The following CCDC197 variants were observed in gnomAD, a reference collection of about 807,000 sequenced individuals.
The protein encoded by CCDC197 is coiled-coil domain containing 197.
A neutral mutation model predicts 13.4 loss-of-function variants in CCDC197; 24 were observed. The ratio of observed to expected loss-of-function variants is 1.80; its 90% CI spans 1.30 to 2.53. The LOEUF is 2.53. Ranked by LOEUF, CCDC197 falls within the 30% of genes most tolerant of loss-of-function variation. CCDC197 has a pLI of 0.00. For synonymous variants in CCDC197, 99 were observed against 55.5 expected (o/e 1.78, Z -3.48); for missense variants, 255 against 148.8 (o/e 1.71, Z -3.71).
chr14:94,002,173 A>C (rs2141369967), intron 4 of CCDC197, among the ~76,000 whole-genome samples: 1 of 152,202 alleles, frequency 6.6e-6, no homozygotes, highest in African/African-American at 2.4e-5. Context: ...CGAGGGGAGG[A>C]AAGTAAGCCT....
In CCDC197 at chr14:93,999,382, G is replaced by C. The variant is rs1890419609; in HGVS notation, c.105-201G>C. 7 of 549,898 alleles carry C rather than the reference G, an allele frequency of 1.3e-5. No individual in the cohort carries two copies. In the Admixed American group the frequency reaches 2.0e-4, roughly 16 times the overall value. 34.1% of individuals were successfully genotyped at this position (549,898 alleles called of 1,614,324 possible). The stretch of plus-strand genomic sequence containing the variant: ...GAGATGCTGCTATGGGCGTTTATTT[G>C]ATCTGCTTGTGGCTCAGTTTGCTCA... On this transcript the variant is annotated intron_variant, in intron 2 of 6. Transcript: ENST00000636493.
chr14:93,997,795 G>A (rs559259101), intron 1 of CCDC197, among the ~76,000 whole-genome samples: 1 of 152,322 alleles, frequency 6.6e-6, no homozygotes, highest in African/African-American at 2.4e-5. Flanking sequence ...GAAGACTTGG[G>A]GGTGATGGGG....
downstream of CCDC197, among the ~76,000 whole-genome samples, chr14:94,011,134 C>T (rs536618401): frequency 1.2e-4 from 18 of 152,326 alleles, 1 homozygote; most frequent in South Asian, 3.7e-3. Flanking sequence ...GGAATTCCCT[C>T]TGCACGATGG....
chr14:93,994,211 C>G (rs192913994), upstream of CCDC197, among the ~76,000 whole-genome samples: 40 of 152,330 alleles, frequency 2.6e-4, 1 homozygote, highest in East Asian at 6.9e-3. Flanking sequence ...CAAGAGTCCA[C>G]ATTTGGCTTT....
intron 6 of CCDC197, chr14:94,007,686 T>C (rs1297277740): frequency 7.2e-5 from 11 of 152,226 alleles, no homozygotes; most frequent in Non-Finnish European, 1.5e-4. Context: ...AGAGGCATCA[T>C]CAAAGACCCA....
At position 94,003,441 on chromosome 14, in the gene CCDC197, A is replaced by G. The variant is rs902674846; in HGVS notation, c.498+87A>G. On this transcript the variant is annotated intron_variant, in intron 5 of 6. Transcript: ENST00000636493. This position sits in a 1 kb window ranked among gnomAD's most constrained non-coding sequence, Gnocchi z 5.0. ...CCATCATCAATCCCAAAACACACAG[A>G]CACATACGCACGCAGACACACACAC... 1.4e-5 allele frequency: 9 copies of G among 652,240 alleles called. No individual in the cohort carries two copies. In the East Asian group the frequency reaches 2.2e-4, roughly 16 times the overall value. 40.4% of individuals were successfully genotyped at this position (652,240 alleles called of 1,614,324 possible).
At chr14:94,008,961 G>C (rs1271631401), downstream of CCDC197, 5 of 572,068 alleles carry the variant, frequency 8.7e-6, no homozygotes, top group Non-Finnish European at 1.6e-5. Flanking sequence ...TAGGGTTGGG[G>C]GTGCTGCTCC....
In CCDC197 at chr14:93,997,383, C is replaced by T. The variant is rs964907701; in HGVS notation, c.-322C>T. On this transcript the variant is annotated 5_prime_UTR_variant, in exon 1 of 7. Transcript: ENST00000636493. Reference sequence around the variant, plus strand: ...AAAGACTGACCTTGTAGCCCCTCACCTTCTCTCCCCAATGCACTGGGCTGG... The same window carrying T: ...AAAGACTGACCTTGTAGCCCCTCACTTTCTCTCCCCAATGCACTGGGCTGG... 1 of 152,254 alleles carries T rather than the reference C, an allele frequency of 6.6e-6. No individual in the cohort carries two copies. Among genetic ancestry groups the T allele is most frequent in the African/African-American group, 2.4e-5 (1 of 41,446 alleles). The allele number at this position is 152,254 out of a possible 1,614,324, so 9.4% of individuals were successfully genotyped here.
chr14:93,996,670 C>A (rs1196230108), upstream of CCDC197, among the ~76,000 whole-genome samples: 1 of 152,152 alleles, frequency 6.6e-6, no homozygotes, highest in Non-Finnish European at 1.5e-5. Flanking sequence ...TCCCAGGAGC[C>A]ATCTGAGGTT....
downstream of CCDC197, among the ~76,000 whole-genome samples, chr14:94,011,495 G>A (rs1595359850): frequency 6.6e-6 from 1 of 152,198 alleles, no homozygotes; most frequent in Non-Finnish European, 1.5e-5. Context: ...ACGGCATTGC[G>A]CTTAACAGCG....
upstream of CCDC197, among the ~76,000 whole-genome samples, chr14:93,993,744 C>T (rs1327951226): frequency 6.6e-6 from 1 of 152,184 alleles, no homozygotes; most frequent in African/African-American, 2.4e-5. Flanking sequence ...GAAAAGGGGT[C>T]CTATTGCCAT....
chr14:93,999,768 T>A (rs1890436610), intron 3 of CCDC197, 103 bp downstream of exon 3: 2 of 716,176 alleles, frequency 2.8e-6, no homozygotes, highest in Non-Finnish European at 5.1e-6. Flanking sequence ...GAGCTGCTCA[T>A]CTACAGAATG....
intron 3 of CCDC197, 193 bp from the exon 4 acceptor site, chr14:94,000,952 G>C (rs1263686228): frequency 4.8e-6 from 2 of 418,408 alleles, no homozygotes; most frequent in Non-Finnish European, 8.1e-6. Context: ...CCTTGAAGTG[G>C]AGGGGGCGGG....
downstream of CCDC197, among the ~76,000 whole-genome samples, chr14:94,010,405 T>C (rs1215273065): frequency 1.3e-5 from 2 of 152,218 alleles, no homozygotes; most frequent in Non-Finnish European, 2.9e-5. Context: ...GGTTTCACCA[T>C]GTTGGCCAGG....
intron 3 of CCDC197, among the ~76,000 whole-genome samples, chr14:94,000,611 G>T (rs1327782928): frequency 3.3e-5 from 5 of 152,114 alleles, no homozygotes; most frequent in Non-Finnish European, 1.5e-5. Context: ...GGGCGATGTG[G>T]CTGGGAGGCT....
intron 1 of CCDC197, among the ~76,000 whole-genome samples, chr14:93,988,902 G>A (rs560530798): frequency 6.7e-6 from 1 of 148,986 alleles, no homozygotes; most frequent in East Asian, 2.0e-4. Context: ...GAGACGGGAT[G>A]GGAGCAGGGA....
chr14:93,996,747 TGGTGGG>T (rs2141346412), upstream of CCDC197, among the ~76,000 whole-genome samples: 1 of 146,792 alleles, frequency 6.8e-6, no homozygotes, highest in East Asian at 2.1e-4. Context: ...GTGGTGCGTG[TGGTGGG>T]GGTGGGGTGT....
chr14:93,997,888 C>A, intron 1 of CCDC197, 111 bp from the exon 2 acceptor site: 1 of 530,454 alleles, frequency 1.9e-6, no homozygotes, highest in Non-Finnish European at 3.4e-6. Context: ...GGATGCAGCC[C>A]GAAGACCTTG....
chr14:93,993,440 C>T (rs1890240408), upstream of CCDC197, among the ~76,000 whole-genome samples: 1 of 152,230 alleles, frequency 6.6e-6, no homozygotes, highest in Non-Finnish European at 1.5e-5. Flanking sequence ...CTCGTTTAAT[C>T]CCTGGGTGCT....
Sources: gnomAD v4.1 joint callset for allele counts (sites outside exome capture counted in the v4.1 genomes callset) on GRCh38, gnomAD v4.1.1 for gene constraint, Gnocchi (gnomAD v3.1) non-coding constraint, MANE v1.5 for transcripts, NCBI Gene and HGNC (gene_info 2026-07-23, HGNC 2026-07-21) for gene names.